The following NXPE2 variants were observed in gnomAD, a reference collection of about 807,000 sequenced individuals.
NXPE2 encodes the protein neurexophilin and PC-esterase domain family member 2, also known as NXPE family member 2.
Under a neutral mutation model 34.4 loss-of-function variants are expected in NXPE2, and 34 were observed. The ratio of observed to expected loss-of-function variants is 0.99; its 90% CI spans 0.75 to 1.31. The LOEUF is 1.31. NXPE2 is among the 40% of genes most tolerant of loss of function. NXPE2 has a pLI of 0.00. For synonymous variants in NXPE2, 235 were observed against 231.3 expected, an observed-to-expected ratio of 1.02 and a Z score of -0.15; for missense variants, 649 against 672.5, an observed-to-expected ratio of 0.97 and a Z score of 0.39.
the NXPE2 span, among the ~76,000 whole-genome samples, chr11:114,748,963 A>C: frequency 6.6e-6 from 1 of 152,214 alleles, no homozygotes; most frequent in African/African-American, 2.4e-5. Context: ...AGATCTGACC[A>C]GTGAGTGCCT....
chr11:114,489,168 G>A, the NXPE2 span, among the ~76,000 whole-genome samples: 2 of 152,066 alleles, frequency 1.3e-5, no homozygotes, highest in Admixed American at 6.5e-5. Context: ...GGAAGAAGTT[G>A]AATCTCTGAA....
At chr11:114,742,785 A>C in the NXPE2 span, among the ~76,000 whole-genome samples, 1 of 152,126 alleles carries the variant, frequency 6.6e-6, no homozygotes, top group Non-Finnish European at 1.5e-5. Context: ...GTCACTCTGC[A>C]GTGAATTCTT....
chr11:114,529,061 G>C, the NXPE2 span: 4 of 386,760 alleles, frequency 1.0e-5, no homozygotes, highest in African/African-American at 8.2e-5. Flanking sequence ...TGTCATGTTT[G>C]GTGCCTACTC....
chr11:114,465,115 C>T, the NXPE2 span, among the ~76,000 whole-genome samples: 2 of 152,124 alleles, frequency 1.3e-5, no homozygotes, highest in African/African-American at 4.8e-5. Context: ...CGGAGACTCA[C>T]GTGACATTAC....
the NXPE2 span, among the ~76,000 whole-genome samples, chr11:114,570,317 G>T: frequency 6.6e-6 from 1 of 152,148 alleles, no homozygotes; most frequent in Non-Finnish European, 1.5e-5. Flanking sequence ...ATGATCAACA[G>T]CAACAAGACT....
At chr11:114,468,680 G>T in the NXPE2 span, among the ~76,000 whole-genome samples, 292 of 152,220 alleles carry the variant, frequency 1.9e-3, no homozygotes, top group African/African-American at 6.8e-3. Flanking sequence ...AAATGCACAG[G>T]TTAGTCCCCA....
chr11:114,801,846 G>T, the NXPE2 span, among the ~76,000 whole-genome samples: 1 of 152,306 alleles, frequency 6.6e-6, no homozygotes, highest in African/African-American at 2.4e-5. Flanking sequence ...AGGTTAGGGG[G>T]TAGGGGCAGA....
chr11:114,509,582 T>C, the NXPE2 span, among the ~76,000 whole-genome samples: 1 of 152,206 alleles, frequency 6.6e-6, no homozygotes, highest in East Asian at 1.9e-4. Context: ...CAGGGAATAC[T>C]GTGCAGCCAT....
chr11:114,727,784 C>CACACACACACACACAA, the NXPE2 span, among the ~76,000 whole-genome samples: 1 of 72,070 alleles, frequency 1.4e-5, no homozygotes, highest in African/African-American at 4.5e-5. Context: ...AACACACACA[C>CACACACACACACACAA]ACACACACAC....
At chr11:114,633,234 G>GT in the NXPE2 span, among the ~76,000 whole-genome samples, 1 of 130,448 alleles carries the variant, frequency 7.7e-6, no homozygotes, top group Non-Finnish European at 1.5e-5. Flanking sequence ...ATAAATATAT[G>GT]TAACATATAA....
the NXPE2 span, among the ~76,000 whole-genome samples, chr11:114,727,763 C>T: frequency 8.2e-6 from 1 of 121,306 alleles, no homozygotes; most frequent in Admixed American, 9.2e-5. Flanking sequence ...GTCCCCCACC[C>T]ATGTGTACAC....
At chr11:114,805,186 AAGG>A in the NXPE2 span, among the ~76,000 whole-genome samples, 2 of 148,424 alleles carry the variant, frequency 1.3e-5, no homozygotes, top group African/African-American at 2.5e-5. Flanking sequence ...TTGGGACCAC[AAGG>A]AGTTTTTTTT....
At chr11:114,541,655 G>A in the NXPE2 span, among the ~76,000 whole-genome samples, 1 of 152,152 alleles carries the variant, frequency 6.6e-6, no homozygotes, top group Non-Finnish European at 1.5e-5. Context: ...AGAAAGGCAG[G>A]ACAATTTGAA....
downstream of NXPE2, among the ~76,000 whole-genome samples, chr11:114,707,177 C>T (rs1951494154): frequency 1.3e-5 from 2 of 151,984 alleles, no homozygotes; most frequent in Admixed American, 1.3e-4. Context: ...CTGCAACCTC[C>T]ACCTCCAAGG....
chr11:114,799,291 CAAAAAAAAA>C, the NXPE2 span, among the ~76,000 whole-genome samples: 16 of 94,312 alleles, frequency 1.7e-4, no homozygotes, highest in African/African-American at 3.1e-4. Context: ...GGCAATGAAG[CAAAAAAAAA>C]AAAAAAAAAA....
chr11:114,685,271 A>C (rs925929786), intron 2 of NXPE2, among the ~76,000 whole-genome samples: 1 of 152,158 alleles, frequency 6.6e-6, no homozygotes, highest in Non-Finnish European at 1.5e-5. Flanking sequence ...AGCAATATAA[A>C]TTTACTGCTG....
intron 2 of NXPE2, among the ~76,000 whole-genome samples, chr11:114,681,510 T>C (rs1950949135): frequency 6.6e-6 from 1 of 152,172 alleles, no homozygotes; most frequent in African/African-American, 2.4e-5. Flanking sequence ...TTGCACTGGC[T>C]GTTTTCTTTT....
At chr11:114,753,271 T>C in the NXPE2 span, among the ~76,000 whole-genome samples, 2 of 152,050 alleles carry the variant, frequency 1.3e-5, no homozygotes, top group African/African-American at 2.4e-5. Flanking sequence ...CATGCACCTG[T>C]AGACCCAGCT....
chr11:114,505,987 G>T, the NXPE2 span, among the ~76,000 whole-genome samples: 5 of 151,776 alleles, frequency 3.3e-5, no homozygotes, highest in Non-Finnish European at 5.9e-5. Context: ...CATCTCACAT[G>T]CAATGACACA....
Sources: allele counts gnomAD v4.1 joint callset (sites outside exome capture counted in the v4.1 genomes callset), GRCh38; gene constraint gnomAD v4.1.1; transcripts MANE v1.5; gene names NCBI Gene and HGNC (gene_info 2026-07-23, HGNC 2026-07-21).